ARSG: variants seen among roughly 807,000 people sequenced by gnomAD.
The protein encoded by ARSG is ASG.
A neutral mutation model predicts 50.5 loss-of-function variants in ARSG; 37 were observed. The ratio of observed to expected loss-of-function variants is 0.73; its 90% CI spans 0.56 to 0.96. The LOEUF (loss-of-function observed/expected upper bound fraction) is 0.96. Among genes scored for constraint, ARSG ranks in the 50% least tolerant of loss-of-function variants. ARSG has a pLI of 0.00. For missense variants in ARSG, 629 were observed against 675.3 expected, an observed-to-expected ratio of 0.93 and a Z score of 0.76; for synonymous variants, 225 against 254.6, an observed-to-expected ratio of 0.88 and a Z score of 1.11.
Position 68,420,751 on chromosome 17 carries a change from A to C in ARSG, c.*288A>C. The C allele has an allele frequency of 2.4e-6, 1 of 421,920 alleles. No individual in the cohort carries two copies. The highest frequency in any genetic ancestry group is 4.2e-6 in the Non-Finnish European group (1 of 236,174). The allele number at this position is 421,920 out of a possible 1,614,324, so 26.1% of individuals were successfully genotyped here. ...GCTTTTGAACTTGGGCAATTGTTTA[A>C]CCTAACCTGCAAGTTGATTTTGAGG... is the stretch of plus-strand genomic sequence containing the variant. On this transcript the variant is annotated 3_prime_UTR_variant, in exon 12 of 12. Coordinates refer to ENST00000621439, the MANE Select transcript of ARSG (RefSeq NM_001267727.2).
chr17:68,276,118 G>A (rs1339901627), intron 1 of ARSG, among the ~76,000 whole-genome samples: 1 of 151,880 alleles, frequency 6.6e-6, no homozygotes, highest in Non-Finnish European at 1.5e-5. Context: ...TTTTGAGACA[G>A]AGTCTTGCTC....
intron 7 of ARSG, 114 bp downstream of exon 7, chr17:68,368,858 C>A: frequency 8.2e-7 from 1 of 1,222,852 alleles, no homozygotes; most frequent in Non-Finnish European, 1.1e-6. Flanking sequence ...AGGAGGCTTG[C>A]TTTGAACTTG....
the ARSG span, among the ~76,000 whole-genome samples, chr17:68,437,974 GTGAC>G: frequency 6.2e-5 from 4 of 64,684 alleles, no homozygotes; most frequent in East Asian, 2.9e-4. Flanking sequence ...AAAAAAAAAA[GTGAC>G]TGGCGTCTAT....
Position 68,412,397 on chromosome 17 carries a change from T to C in ARSG, c.1304-7792T>C, listed in dbSNP as rs976777451. On this transcript the variant is annotated intron_variant, in intron 11 of 11. Transcript: ENST00000621439. ...ACTTATGAAGCTTAGTTTGGCTGGA[T>C]ATGAAATTCTGGGTTGAAAATTCTT... Among the ~76,000 whole-genome samples, 9 of 152,134 alleles carry C rather than the reference T, an allele frequency of 5.9e-5. 1 individual carries two copies. The highest frequency in any genetic ancestry group is 5.9e-4 in the Admixed American group (9 of 15,276).
chr17:68,387,906 G>A (rs1032198292), intron 9 of ARSG, among the ~76,000 whole-genome samples: 1 of 152,074 alleles, frequency 6.6e-6, no homozygotes, highest in South Asian at 2.1e-4. Context: ...AGAGGGGGCG[G>A]GGGATCCATT....
At chr17:68,373,534 T>C (rs2079973612) in intron 8 of ARSG, among the ~76,000 whole-genome samples, 1 of 152,050 alleles carries the variant, frequency 6.6e-6, no homozygotes, top group Non-Finnish European at 1.5e-5. Context: ...TGGCCTACTT[T>C]TCAATTTTAA....
At chr17:68,303,773 C>G (rs1299629381) in intron 1 of ARSG, among the ~76,000 whole-genome samples, 3 of 152,172 alleles carry the variant, frequency 2.0e-5, no homozygotes, top group Non-Finnish European at 4.4e-5. Flanking sequence ...AGCACTTGAG[C>G]TCAACGTTTG....
chr17:68,376,365 C>T (rs1172697456), intron 8 of ARSG, among the ~76,000 whole-genome samples: 1 of 151,450 alleles, frequency 6.6e-6, no homozygotes, highest in Non-Finnish European at 1.5e-5. Context: ...CAGCCTCAAC[C>T]TCCTGGATTC....
rs748598627 is a variant in ARSG at position 68,351,574 on chromosome 17, G to A, written c.455-1G>A. ...GTGCTAACCGGTTGCTTCTATTCCA[G>A]GTTTTGATTACTACTTTGGAATCCC... On this transcript the variant is annotated splice_acceptor_variant, in intron 4 of 11. Coordinates refer to ENST00000621439, the MANE Select transcript of ARSG (RefSeq NM_001267727.2). LOFTEE classifies it high-confidence loss of function. 6.2e-7 allele frequency: 1 copy of A among 1,600,468 alleles called. No homozygotes were observed. Among genetic ancestry groups the A allele is most frequent in the Non-Finnish European group, 8.6e-7 (1 of 1,167,760 alleles).
intron 1 of ARSG, among the ~76,000 whole-genome samples, chr17:68,270,574 A>G (rs9674877): frequency 6.7e-6 from 1 of 150,210 alleles, no homozygotes; most frequent in African/African-American, 2.4e-5. Context: ...AAAAAAGGCC[A>G]GGGTCAATCT....
At chr17:68,308,916 T>A (rs1413706593) in intron 2 of ARSG, among the ~76,000 whole-genome samples, 2 of 152,236 alleles carry the variant, frequency 1.3e-5, no homozygotes, top group African/African-American at 2.4e-5. Flanking sequence ...GCGCCTGCAC[T>A]CCTCAGCCTT....
the ARSG span, chr17:68,444,564 G>T: frequency 1.2e-6 from 2 of 1,613,914 alleles, no homozygotes; most frequent in Non-Finnish European, 1.7e-6. Flanking sequence ...AATATAAATG[G>T]ACTCTTCTAG....
the ARSG span, among the ~76,000 whole-genome samples, chr17:68,439,430 T>C: frequency 6.6e-6 from 1 of 151,972 alleles, no homozygotes; most frequent in South Asian, 2.1e-4. Context: ...AATAGAGAAA[T>C]CCATAATCTA....
the ARSG span, chr17:68,428,833 G>A: frequency 6.2e-7 from 1 of 1,612,136 alleles, no homozygotes; most frequent in Non-Finnish European, 8.5e-7. Context: ...CTTCACCTGT[G>A]GGTTTTGATT....
chr17:68,346,309 C>T (rs1298001222), intron 3 of ARSG, among the ~76,000 whole-genome samples: 1 of 152,238 alleles, frequency 6.6e-6, no homozygotes, highest in African/African-American at 2.4e-5. Flanking sequence ...TTGCTACATG[C>T]AGTTGTCTTG....
intron 8 of ARSG, among the ~76,000 whole-genome samples, chr17:68,372,538 C>T (rs1478570801): frequency 6.6e-6 from 1 of 152,086 alleles, no homozygotes; most frequent in Non-Finnish European, 1.5e-5. Context: ...GGGGAAGGCG[C>T]CACACACTTT....
intron 2 of ARSG, among the ~76,000 whole-genome samples, chr17:68,317,863 C>T (rs1361377047): frequency 3.9e-5 from 6 of 152,278 alleles, no homozygotes; most frequent in African/African-American, 1.4e-4. Flanking sequence ...CTTTGGGAGG[C>T]CAAGGCCGGT....
At chr17:68,296,381 C>T (rs1361452264) in intron 1 of ARSG, among the ~76,000 whole-genome samples, 1 of 152,182 alleles carries the variant, frequency 6.6e-6, no homozygotes, top group African/African-American at 2.4e-5. Flanking sequence ...AAACAGGTAC[C>T]TCCTGTCCTG....
chr17:68,272,653 A>C (rs1402224607), intron 1 of ARSG: 1 of 1,613,974 alleles, frequency 6.2e-7, no homozygotes, highest in African/African-American at 1.3e-5. Context: ...TGCGAAAGCA[A>C]ACACAGCGAA....
Sources: gnomAD v4.1 joint callset for allele counts (sites outside exome capture counted in the v4.1 genomes callset) on GRCh38, gnomAD v4.1.1 for gene constraint, MANE v1.5 for transcripts, NCBI Gene and HGNC (gene_info 2026-07-23, HGNC 2026-07-21) for gene names.